The following RAB15 variants were observed in gnomAD, a reference collection of about 807,000 sequenced individuals.
RAB15 encodes ras-related protein Rab-15.
Under a neutral mutation model 31.8 loss-of-function variants are expected in RAB15, and 13 were observed. That is an observed-to-expected ratio of 0.41 (90% CI 0.27 to 0.65). RAB15 has a LOEUF of 0.65. Among genes scored for constraint, RAB15 ranks in the 30% least tolerant of loss-of-function variants. The pLI is 0.32. For missense variants in RAB15, 220 were observed against 277.3 expected, an observed-to-expected ratio of 0.79 and a Z score of 1.47; for synonymous variants, 100 against 105.6, an observed-to-expected ratio of 0.95 and a Z score of 0.33.
At chr14:64,964,105 A>G (rs963746700) in intron 1 of RAB15, among the ~76,000 whole-genome samples, 2 of 152,246 alleles carry the variant, frequency 1.3e-5, no homozygotes, top group Non-Finnish European at 2.9e-5. Context: ...TCAACAAAGT[A>G]GAGTAAATGA....
intron 1 of RAB15, among the ~76,000 whole-genome samples, chr14:64,963,924 G>T (rs1003791532): frequency 1.3e-5 from 2 of 152,136 alleles, no homozygotes; most frequent in African/African-American, 4.8e-5. Context: ...CCCCGGGAGG[G>T]ATTTCTCACT....
Position 64,953,935 on chromosome 14 carries a change from C to T in RAB15, c.125-1364G>A, listed in dbSNP as rs1488671607. The T allele has an allele frequency of 2.8e-5, 28 of 985,330 alleles. No homozygotes were observed. The highest frequency in any genetic ancestry group is 3.1e-5 in the Non-Finnish European group (26 of 829,942). The allele number at this position is 985,330 out of a possible 1,614,324, so 61.0% of individuals were successfully genotyped here. ...GAAGGCACCAGCATCCCCATCACCA[C>T]TGCCACTCCACCTCCGCATCAGTTA... On this transcript the variant is annotated intron_variant, in intron 1 of 6. Coordinates refer to ENST00000533601, the MANE Select transcript of RAB15 (RefSeq NM_001308154.2). This position sits in a 1 kb window ranked among gnomAD's most constrained non-coding sequence, Gnocchi z 4.6.
intron 1 of RAB15, among the ~76,000 whole-genome samples, chr14:64,956,396 G>A (rs1886567463): frequency 6.7e-6 from 1 of 149,502 alleles, no homozygotes; most frequent in South Asian, 2.1e-4. Context: ...GGGCGACAGG[G>A]TGAGACTTCA....
chr14:64,954,393 C>T lies in RAB15; in HGVS notation c.125-1822G>A, dbSNP rs1886427516. 1.0e-6 allele frequency: 1 copy of T among 985,330 alleles called. No homozygotes were observed. 61.0% of individuals were successfully genotyped at this position (985,330 alleles called of 1,614,324 possible). ...AAGACATTCTTGTTTCATGATACAG[C>T]ACCTTCTTCCAAGAAGAACGAGAAA... On this transcript the variant is annotated intron_variant, in intron 1 of 6. Coordinates refer to ENST00000533601, the MANE Select transcript of RAB15 (RefSeq NM_001308154.2). The surrounding 1 kb of genome is among the most constrained non-coding windows in gnomAD (Gnocchi z 4.3).
rs1237544399 is a variant in RAB15, at chr14:64,950,458, C to G, written c.325-44G>C. ...CAGAACAGCCAGTGAGTGCTGCCTG[C>G]CCCCCCAATTTTCCCTACAGAGTCT... On this transcript the variant is annotated intron_variant, in intron 4 of 6. Coordinates refer to ENST00000533601, the MANE Select transcript of RAB15 (RefSeq NM_001308154.2). This position sits in a 1 kb window ranked among gnomAD's most constrained non-coding sequence, Gnocchi z 5.6. 4 of 1,493,724 alleles carry G rather than the reference C, an allele frequency of 2.7e-6. No individual in the cohort carries two copies. In the Admixed American group the frequency reaches 6.7e-5, roughly 25 times the overall value. The allele number at this position is 1,493,724 out of a possible 1,614,324, so 92.5% of individuals were successfully genotyped here.
Position 64,958,588 on chromosome 14 carries a change from C to T in RAB15, c.125-6017G>A, listed in dbSNP as rs1886698539. ...CACCATAGCCTATTTTCTCCTTCCT[C>T]CTTGGCATGGTTCATGATTCCAGTA... On this transcript the variant is annotated intron_variant, in intron 1 of 6. Transcript: ENST00000533601. This position sits in a 1 kb window ranked among gnomAD's most constrained non-coding sequence, Gnocchi z 4.4. Among the ~76,000 whole-genome samples the T allele has an allele frequency of 6.6e-6, 1 of 152,204 alleles. No homozygotes were observed. Among genetic ancestry groups the T allele is most frequent in the African/African-American group, 2.4e-5 (1 of 41,436 alleles).
At position 64,964,266 on chromosome 14, in the gene RAB15, G is replaced by A. The variant is rs375862579; in HGVS notation, c.124+7687C>T. Among the ~76,000 whole-genome samples the A allele has an allele frequency of 3.9e-4, 60 of 152,144 alleles. 2 individuals carry two copies. The East Asian group carries it at 9.2e-3, about 23-fold the overall frequency. Reference sequence around the variant, plus strand: ...AGGCCGGGCGTGGTGGCTCATGCCCGTAATCCCAGCACTTTGGGAGGCCGA... The same window carrying A: ...AGGCCGGGCGTGGTGGCTCATGCCCATAATCCCAGCACTTTGGGAGGCCGA... On this transcript the variant is annotated intron_variant, in intron 1 of 6. Coordinates refer to ENST00000533601, the MANE Select transcript of RAB15 (RefSeq NM_001308154.2).
At chr14:64,957,689 A>G (rs1210998093) in intron 1 of RAB15, among the ~76,000 whole-genome samples, 1 of 152,102 alleles carries the variant, frequency 6.6e-6, no homozygotes, top group Non-Finnish European at 1.5e-5. Context: ...GCCAATTCTC[A>G]TGTTCCCACT....
At position 64,950,233 on chromosome 14, in the gene RAB15, TG is replaced by T; in HGVS notation, c.414+91del. Reference sequence around the variant, plus strand: ...GGGGACGTGTGGGAGGACCTGCCACTGGGGAACACACCCCTAGGTCCCCACG... The same window carrying T: ...GGGGACGTGTGGGAGGACCTGCCACTGGGAACACACCCCTAGGTCCCCACG... On this transcript the variant is annotated intron_variant, in intron 5 of 6. Transcript: ENST00000533601. The surrounding 1 kb of genome is among the most constrained non-coding windows in gnomAD (Gnocchi z 5.6). 9.5e-7 allele frequency: 1 copy of T among 1,055,714 alleles called. No individual in the cohort carries two copies. Among genetic ancestry groups the T allele is most frequent in the Non-Finnish European group, 1.5e-6 (1 of 675,910 alleles). The allele number at this position is 1,055,714 out of a possible 1,614,324, so 65.4% of individuals were successfully genotyped here. A position where few individuals can be genotyped will look rare whatever the true frequency, so the allele number is the denominator to read the frequency against.
rs1886453562 is a variant in RAB15 at position 64,954,781 on chromosome 14, C to T, written c.125-2210G>A. ...GTTCTTAGGGAAGCAAGAGGAGAGT[C>T]GTGTAGTTGGCTAGGCCTGGAAGCC... On this transcript the variant is annotated intron_variant, in intron 1 of 6. Transcript: ENST00000533601. The surrounding 1 kb of genome is among the most constrained non-coding windows in gnomAD (Gnocchi z 4.3). Among the ~76,000 whole-genome samples, 1 of 152,212 alleles carries T rather than the reference C, an allele frequency of 6.6e-6. No homozygotes were observed. Among genetic ancestry groups the T allele is most frequent in the Admixed American group, 6.5e-5 (1 of 15,280 alleles).
In RAB15 at chr14:64,952,363, T is replaced by C. The variant is rs557810529; in HGVS notation, c.185+148A>G. The C allele has an allele frequency of 3.1e-6, 2 of 640,506 alleles. No homozygotes were observed. Among genetic ancestry groups the C allele is most frequent in the East Asian group, 5.3e-5 (2 of 37,820 alleles). 39.7% of individuals were successfully genotyped at this position (640,506 alleles called of 1,614,324 possible). A position where few individuals can be genotyped will look rare whatever the true frequency, so the allele number is the denominator to read the frequency against. ...GGAGATTAAGGCTTATAGGAAGAGATGGGCTTCTGAGACTTCGCTTCCATC... is the reference window on the plus strand; with the variant it reads ...GGAGATTAAGGCTTATAGGAAGAGACGGGCTTCTGAGACTTCGCTTCCATC... On this transcript the variant is annotated intron_variant, in intron 2 of 6. Coordinates refer to ENST00000533601, the MANE Select transcript of RAB15 (RefSeq NM_001308154.2). This position sits in a 1 kb window ranked among gnomAD's most constrained non-coding sequence, Gnocchi z 4.2.
At position 64,951,176 on chromosome 14, in the gene RAB15, T is replaced by G; in HGVS notation, c.247-25A>C. Reference sequence around the variant, plus strand: ...CCTGAGAGAGAGAGAAATAGAGAGATGTGATATGCACAGAGAGAGTGCAGT... The same window carrying G: ...CCTGAGAGAGAGAGAAATAGAGAGAGGTGATATGCACAGAGAGAGTGCAGT... On this transcript the variant is annotated intron_variant, in intron 3 of 6. Transcript: ENST00000533601. The surrounding 1 kb of genome is among the most constrained non-coding windows in gnomAD (Gnocchi z 7.2). 8 of 1,520,276 alleles carry G rather than the reference T, an allele frequency of 5.3e-6. No individual in the cohort carries two copies. Among genetic ancestry groups the G allele is most frequent in the Non-Finnish European group, 7.3e-6 (8 of 1,098,666 alleles). The allele number at this position is 1,520,276 out of a possible 1,614,324, so 94.2% of individuals were successfully genotyped here. A position where few individuals can be genotyped will look rare whatever the true frequency, so the allele number is the denominator to read the frequency against.
rs1462704203 is a variant in RAB15, at chr14:64,952,386, A to G, written c.185+125T>C. On this transcript the variant is annotated intron_variant, in intron 2 of 6. Coordinates refer to ENST00000533601, the MANE Select transcript of RAB15 (RefSeq NM_001308154.2). This position sits in a 1 kb window ranked among gnomAD's most constrained non-coding sequence, Gnocchi z 4.2. The stretch of plus-strand genomic sequence containing the variant: ...GATGGGCTTCTGAGACTTCGCTTCC[A>G]TCCATCAGAGAGGTGGCCAGTTATC... 4.3e-6 allele frequency: 3 copies of G among 702,908 alleles called. No homozygotes were observed. Among genetic ancestry groups the G allele is most frequent in the African/African-American group, 1.8e-5 (1 of 55,456 alleles). 43.5% of individuals were successfully genotyped at this position (702,908 alleles called of 1,614,324 possible). A position where few individuals can be genotyped will look rare whatever the true frequency, so the allele number is the denominator to read the frequency against.
In RAB15 at chr14:64,947,510, C is replaced by T. The variant is rs1343553892; in HGVS notation, c.*844G>A. 6.5e-6 allele frequency: 1 copy of T among 152,684 alleles called. No homozygotes were observed. Among genetic ancestry groups the T allele is most frequent in the African/African-American group, 2.4e-5 (1 of 41,444 alleles). 9.5% of individuals were successfully genotyped at this position (152,684 alleles called of 1,614,324 possible). On this transcript the variant is annotated 3_prime_UTR_variant, in exon 7 of 7. Transcript: ENST00000533601. The surrounding 1 kb of genome is among the most constrained non-coding windows in gnomAD (Gnocchi z 5.6). ...AGAGAATGGAGGTGACTTTTTATCCCTGCCACCCCTCATTTTGTTTCCTTC... is the reference window on the plus strand; with the variant it reads ...AGAGAATGGAGGTGACTTTTTATCCTTGCCACCCCTCATTTTGTTTCCTTC...
At position 64,970,291 on chromosome 14, in the gene RAB15, A is replaced by T. The variant is rs1001269031; in HGVS notation, c.124+1662T>A. 6.6e-6 allele frequency among the ~76,000 whole-genome samples: 1 copy of T among 152,144 alleles called. No homozygotes were observed. The highest frequency in any genetic ancestry group is 1.9e-4 in the East Asian group (1 of 5,196). ...AGCCCACAACCTGTCCTCATACACC[A>T]TCTGGTTCCTCTGCCACTTCCTCCA... On this transcript the variant is annotated intron_variant, in intron 1 of 6. Coordinates refer to ENST00000533601, the MANE Select transcript of RAB15 (RefSeq NM_001308154.2). This position sits in a 1 kb window ranked among gnomAD's most constrained non-coding sequence, Gnocchi z 4.1.
chr14:64,954,480 G>A lies in RAB15; in HGVS notation c.125-1909C>T. On this transcript the variant is annotated intron_variant, in intron 1 of 6. Transcript: ENST00000533601. The surrounding 1 kb of genome is among the most constrained non-coding windows in gnomAD (Gnocchi z 4.3). ...CACTAGCCTAGCAAACCTGGCCAAG[G>A]ACAGTGCCTTGTGCAAAGCCATCAC... The A allele has an allele frequency of 1.0e-6, 1 of 985,440 alleles. No individual in the cohort carries two copies. Among genetic ancestry groups the A allele is most frequent in the Non-Finnish European group, 1.2e-6 (1 of 829,928 alleles). 61.0% of individuals were successfully genotyped at this position (985,440 alleles called of 1,614,324 possible).
chr14:64,963,176 T>C (rs752044652), intron 1 of RAB15, among the ~76,000 whole-genome samples: 3 of 140,542 alleles, frequency 2.1e-5, no homozygotes, highest in African/African-American at 8.2e-5. Context: ...TGGAGTACAG[T>C]GGTACGATCT....
rs1886421563 is a variant in RAB15 at position 64,954,266 on chromosome 14, G to T, written c.125-1695C>A. ...GAAGGAGGGAGGAAGGGAGGAAGGAGAGAAGCATCAGGCCTTGGGAAGCAG... is the reference window on the plus strand; with the variant it reads ...GAAGGAGGGAGGAAGGGAGGAAGGATAGAAGCATCAGGCCTTGGGAAGCAG... On this transcript the variant is annotated intron_variant, in intron 1 of 6. Coordinates refer to ENST00000533601, the MANE Select transcript of RAB15 (RefSeq NM_001308154.2). This position sits in a 1 kb window ranked among gnomAD's most constrained non-coding sequence, Gnocchi z 4.3. The T allele has an allele frequency of 7.1e-6, 7 of 985,414 alleles. No individual in the cohort carries two copies. Among genetic ancestry groups the T allele is most frequent in the Non-Finnish European group, 8.4e-6 (7 of 829,928 alleles). 61.0% of individuals were successfully genotyped at this position (985,414 alleles called of 1,614,324 possible).
chr14:64,946,418 T>G lies in RAB15; in HGVS notation c.*1936A>C, dbSNP rs1226090138. 9 of 152,184 alleles carry G rather than the reference T, an allele frequency of 5.9e-5. No homozygotes were observed. Among genetic ancestry groups the G allele is most frequent in the Non-Finnish European group, 1.0e-4 (7 of 68,046 alleles). 9.4% of individuals were successfully genotyped at this position (152,184 alleles called of 1,614,324 possible). A position where few individuals can be genotyped will look rare whatever the true frequency, so the allele number is the denominator to read the frequency against. On this transcript the variant is annotated 3_prime_UTR_variant, in exon 7 of 7. Transcript: ENST00000533601. ...TAGCCCCAGTGTGATGTGGCATAGG[T>G]CTTGATACCCAAGGAGTCCCATCTT...
Sources: gnomAD v4.1 joint callset for allele counts (sites outside exome capture counted in the v4.1 genomes callset) on GRCh38, gnomAD v4.1.1 for gene constraint, Gnocchi (gnomAD v3.1) non-coding constraint, MANE v1.5 for transcripts, NCBI Gene and HGNC (gene_info 2026-07-23, HGNC 2026-07-21) for gene names.